Variants in CDH3 observed in about 807,000 individuals in gnomAD.
CDH3 encodes the protein cadherin-3.
A neutral mutation model predicts 82.0 loss-of-function variants in CDH3; 54 were observed. The ratio of observed to expected loss-of-function variants is 0.66; its 90% CI spans 0.53 to 0.83. The LOEUF (loss-of-function observed/expected upper bound fraction) is 0.83, where lower values mean the gene tolerates loss of function less well. Among genes scored for constraint, CDH3 ranks in the 40% least tolerant of loss-of-function variants. The pLI is 0.00. For synonymous variants in CDH3, 446 were observed against 437.9 expected (o/e 1.02, Z -0.23); for missense variants, 1,054 against 1,084.6 (o/e 0.97, Z 0.40).
downstream of CDH3, among the ~76,000 whole-genome samples, chr16:68,730,802 C>T (rs1214700973): frequency 6.6e-6 from 1 of 151,180 alleles, no homozygotes; most frequent in African/African-American, 2.4e-5. Flanking sequence ...GGGCGGATCA[C>T]CTGAGGTCGG....
intron 1 of CDH3, among the ~76,000 whole-genome samples, chr16:68,720,647 G>T (rs1325843982): frequency 6.8e-6 from 1 of 146,518 alleles, no homozygotes; most frequent in Non-Finnish European, 1.5e-5. Context: ...ATGGAGTCTC[G>T]CTCTGTTGCC....
chr16:68,687,755 G>T lies in CDH3; in HGVS notation c.1795+19G>T. On this transcript the variant is annotated intron_variant, in intron 12 of 15. Coordinates refer to ENST00000264012, the MANE Select transcript of CDH3 (RefSeq NM_001793.6). ...GAGGAAGGTACCTGAGTGAGTGGTG[G>T]TAGCGGGTGGGGTGCCAGCCCCACT... 6.3e-7 allele frequency: 1 copy of T among 1,590,492 alleles called. No individual in the cohort carries two copies. The highest frequency in any genetic ancestry group is 8.6e-7 in the Non-Finnish European group (1 of 1,159,112).
chr16:68,689,735 C>T (rs1022137908), intron 12 of CDH3, among the ~76,000 whole-genome samples: 5 of 151,482 alleles, frequency 3.3e-5, no homozygotes, highest in Admixed American at 2.6e-4. Flanking sequence ...TAAATGGGGA[C>T]AGAGTGGATT....
In CDH3 at chr16:68,691,838, C is replaced by T. The variant is rs370109789; in HGVS notation, c.1914C>T (p.Cys638=). The T allele has an allele frequency of 2.9e-5, 47 of 1,613,942 alleles. No individual in the cohort carries two copies. Among genetic ancestry groups the T allele is most frequent in the South Asian group, 4.4e-5 (4 of 91,070 alleles). ...EQLTVIRATV[C]DCHGHVETCP... is the part of the protein sequence containing the mutation. The stretch of plus-strand genomic sequence containing the variant: ...TGACGGTGATCAGGGCCACTGTGTG[C>T]GACTGCCATGGCCATGTCGAAACCT... Residue 638 remains cysteine (C), a synonymous_variant, in exon 13 of 16, where the codon TGC becomes TGT. Coordinates refer to ENST00000264012, the MANE Select transcript of CDH3 (RefSeq NM_001793.6).
chr16:68,680,030 G>A, intron 7 of CDH3, 56 bp downstream of exon 7: 1 of 1,532,728 alleles, frequency 6.5e-7, no homozygotes, highest in Non-Finnish European at 9.0e-7. Context: ...GCTGGGAACT[G>A]ACTCTGAGAG....
rs150347926 is a variant in CDH3, at chr16:68,712,563, G to GA, written c.100-9858dup. On this transcript the variant is annotated intron_variant, in intron 1 of 2. Coordinates refer to the CDH3 transcript ENST00000569080. ...CAGAGTGATCTGATCTTTCTAAGATGAAAATCCAATACCATAACATTGTGC... is the reference window on the plus strand; with the variant it reads ...CAGAGTGATCTGATCTTTCTAAGATGAAAAATCCAATACCATAACATTGTGC... Among the ~76,000 whole-genome samples, 82 of 152,094 alleles carry GA rather than the reference G, an allele frequency of 5.4e-4. 1 individual carries two copies. The East Asian group carries it at 0.014, about 27-fold the overall frequency.
chr16:68,659,815 T>G (rs900081879), intron 2 of CDH3, among the ~76,000 whole-genome samples: 1 of 151,962 alleles, frequency 6.6e-6, no homozygotes, highest in African/African-American at 2.4e-5. Context: ...TTTTTTTTTT[T>G]TTTTGCACAA....
chr16:68,701,124 C>T (rs1961887543), downstream of CDH3, among the ~76,000 whole-genome samples: 1 of 152,078 alleles, frequency 6.6e-6, no homozygotes, highest in South Asian at 2.1e-4. Context: ...CCAAGCAGCC[C>T]CTGTTTAGGC....
At chr16:68,703,512 T>G (rs1275042799), downstream of CDH3, among the ~76,000 whole-genome samples, 1 of 152,160 alleles carries the variant, frequency 6.6e-6, no homozygotes, top group Non-Finnish European at 1.5e-5. Flanking sequence ...AACGACTCCC[T>G]CCAGGCTAAA....
chr16:68,707,170 AAGGGTTTAGCAGGTTTCAGC>A lies in CDH3; in HGVS notation c.99+11261_99+11280del, dbSNP rs1451870467. Among the ~76,000 whole-genome samples the A allele has an allele frequency of 2.0e-5, 3 of 152,144 alleles. No homozygotes were observed. Among genetic ancestry groups the A allele is most frequent in the Non-Finnish European group, 2.9e-5 (2 of 68,020 alleles). The stretch of plus-strand genomic sequence containing the variant: ...CTACATAAAAGGAATGGCAAGGGCT[AAGGGTTTAGCAGGTTTCAGC>A]AGGGTTTAGCAGGGAGGCCAGTGTG... On this transcript the variant is annotated intron_variant, in intron 1 of 2. Coordinates refer to the CDH3 transcript ENST00000569080. The surrounding 1 kb of genome is among the most constrained non-coding windows in gnomAD (Gnocchi z 4.5).
chr16:68,684,328 A>T (rs544357772), intron 9 of CDH3, among the ~76,000 whole-genome samples: 3 of 152,178 alleles, frequency 2.0e-5, no homozygotes, highest in Admixed American at 6.5e-5. Context: ...TTTCTCAAAC[A>T]TCACCACCAC....
At chr16:68,648,175 A>T (rs1212340372) in intron 2 of CDH3, among the ~76,000 whole-genome samples, 1 of 152,204 alleles carries the variant, frequency 6.6e-6, no homozygotes, top group Non-Finnish European at 1.5e-5. Context: ...AAGGTGGAGA[A>T]ACAGAGGCAC....
At chr16:68,661,064 G>A (rs186966900) in intron 2 of CDH3, among the ~76,000 whole-genome samples, 15 of 152,216 alleles carry the variant, frequency 9.9e-5, no homozygotes, top group African/African-American at 3.1e-4. Context: ...GTATGTATGG[G>A]GTGGAGGGGC....
chr16:68,706,552 T>TC (rs1186968896), intron 1 of CDH3, among the ~76,000 whole-genome samples: 1 of 135,692 alleles, frequency 7.4e-6, no homozygotes, highest in Non-Finnish European at 1.6e-5. Context: ...TCCTTTTTTT[T>TC]TTTTTTTTTT....
At position 68,682,403 on chromosome 16, in the gene CDH3, C is replaced by T; in HGVS notation, c.1098C>T (p.Tyr366=). The T allele has an allele frequency of 1.2e-6, 2 of 1,614,128 alleles. No individual in the cohort carries two copies. The highest frequency in any genetic ancestry group is 1.7e-6 in the Non-Finnish European group (2 of 1,180,044). Residue 366 remains tyrosine (Y), a synonymous_variant, in exon 9 of 16, where the codon TAC becomes TAT. Coordinates refer to ENST00000264012, the MANE Select transcript of CDH3 (RefSeq NM_001793.6). ...APNSPAWRAT[Y]LIMGGDDGDH... is the part of the protein sequence containing the mutation. ...ACTCACCAGCGTGGCGTGCCACCTA[C>T]CTTATCATGGGCGGTGACGACGGGG... is the stretch of plus-strand genomic sequence containing the variant.
chr16:68,717,192 G>A (rs1962105658), intron 1 of CDH3, among the ~76,000 whole-genome samples: 1 of 151,396 alleles, frequency 6.6e-6, no homozygotes, highest in South Asian at 2.1e-4. Flanking sequence ...TTTATTACTT[G>A]TATAATTTTT....
intron 1 of CDH3, among the ~76,000 whole-genome samples, chr16:68,721,554 C>T (rs1218260608): frequency 6.6e-6 from 1 of 152,056 alleles, no homozygotes; most frequent in Non-Finnish European, 1.5e-5. Context: ...CTTTTAACTG[C>T]GGGTACTCAG....
chr16:68,681,311 A>G (rs1419215357), intron 8 of CDH3, among the ~76,000 whole-genome samples: 1 of 152,214 alleles, frequency 6.6e-6, no homozygotes, highest in African/African-American at 2.4e-5. Context: ...CTGAGTTTCA[A>G]ATGAAATAAT....
chr16:68,662,544 C>CTT (rs34173111), intron 2 of CDH3, among the ~76,000 whole-genome samples: 106 of 94,040 alleles, frequency 1.1e-3, no homozygotes, highest in African/African-American at 2.7e-3. Flanking sequence ...TGAAGCCAGC[C>CTT]TTTTTTTTTT....
Sources: gnomAD v4.1 joint callset for allele counts (sites outside exome capture counted in the v4.1 genomes callset) on GRCh38, gnomAD v4.1.1 for gene constraint, Gnocchi (gnomAD v3.1) non-coding constraint, MANE v1.5 for transcripts, NCBI Gene and HGNC (gene_info 2026-07-23, HGNC 2026-07-21) for gene names.